The following TMTC1 variants were observed in gnomAD, a reference collection of about 807,000 sequenced individuals.
TMTC1 encodes protein O-mannosyl-transferase TMTC1.
TMTC1 carries 73 observed loss-of-function variants against 104.8 expected under a neutral mutation model. The ratio of observed to expected loss-of-function variants is 0.70; its 90% CI spans 0.58 to 0.85. The LOEUF (loss-of-function observed/expected upper bound fraction) is 0.85, where lower values mean the gene tolerates loss of function less well. TMTC1 is among the 40% of genes least tolerant of loss of function. The pLI, the probability that TMTC1 is intolerant of heterozygous loss-of-function variation, is 0.00. For synonymous variants in TMTC1, 434 were observed against 428.7 expected (o/e 1.01, Z -0.15); for missense variants, 1,035 against 1,096.1 (o/e 0.94, Z 0.79).
rs12227259 is a variant in TMTC1 at position 29,517,571 on chromosome 12, G to A, written c.2025C>T (p.Arg675=). 34,334 of 1,613,844 alleles carry A rather than the reference G, an allele frequency of 0.021. 2,687 individuals carry two copies. The African/African-American group carries it at 0.24, about 11-fold the overall frequency. Residue 675 remains arginine (R), a splice_region_variant and synonymous_variant, in exon 14 of 18, where the codon CGC becomes CGT. Transcript: ENST00000539277. ...ENSMAEEWYK[R]ALQVAHKAEI... ...CAGCTTTGTGTGCCACCTGCAGGGC[G>A]CTGAGTTTGGAGAAAATCTAAATGA...
At chr12:29,532,289 G>A (rs1207493018) in intron 11 of TMTC1, among the ~76,000 whole-genome samples, 1 of 151,958 alleles carries the variant, frequency 6.6e-6, no homozygotes, top group Non-Finnish European at 1.5e-5. Flanking sequence ...TGCCCTTTCG[G>A]AAAGCAATTT....
intron 5 of TMTC1, among the ~76,000 whole-genome samples, chr12:29,669,315 C>T (rs897683444): frequency 4.6e-5 from 7 of 152,210 alleles, no homozygotes; most frequent in Admixed American, 6.5e-5. Flanking sequence ...GGCCCTTTCA[C>T]TCCGGGACTT....
At chr12:29,678,780 C>G (rs914073124) in intron 5 of TMTC1, among the ~76,000 whole-genome samples, 17 of 152,042 alleles carry the variant, frequency 1.1e-4, no homozygotes, top group African/African-American at 3.9e-4. Flanking sequence ...ACATTAGTGT[C>G]TCAGTATTTA....
intron 5 of TMTC1, among the ~76,000 whole-genome samples, chr12:29,670,702 G>T (rs1432207906): frequency 6.6e-6 from 1 of 151,966 alleles, no homozygotes; most frequent in Non-Finnish European, 1.5e-5. Context: ...GCTGAGACAG[G>T]CAGACTGCTT....
At chr12:29,741,621 C>G (rs563885846) in intron 5 of TMTC1, among the ~76,000 whole-genome samples, 10 of 152,310 alleles carry the variant, frequency 6.6e-5, no homozygotes, top group African/African-American at 2.2e-4. Flanking sequence ...TTCTTTGTCT[C>G]TTGCGCAACC....
At chr12:29,634,349 T>C (rs1279146512) in intron 5 of TMTC1, among the ~76,000 whole-genome samples, 1 of 152,180 alleles carries the variant, frequency 6.6e-6, no homozygotes, top group Non-Finnish European at 1.5e-5. Flanking sequence ...TGCCTCCCAA[T>C]CTCTGGAAGC....
intron 5 of TMTC1, among the ~76,000 whole-genome samples, chr12:29,749,231 T>TACACAC (rs10654988): frequency 5.3e-5 from 8 of 151,216 alleles, no homozygotes; most frequent in Admixed American, 1.3e-4. Flanking sequence ...TATCTAAGGA[T>TACACAC]ACACACACAC....
At chr12:29,737,775 T>C (rs749056598) in intron 5 of TMTC1, among the ~76,000 whole-genome samples, 9 of 152,148 alleles carry the variant, frequency 5.9e-5, no homozygotes, top group Non-Finnish European at 1.2e-4. Flanking sequence ...GCGAATGATA[T>C]GAGCTCCCGG....
intron 9 of TMTC1, chr12:29,568,895 C>A (rs1436338729): frequency 2.2e-6 from 1 of 455,816 alleles, no homozygotes; most frequent in Non-Finnish European, 4.4e-6. Context: ...TCCAGGGTAA[C>A]CGAACAGTCG....
intron 5 of TMTC1, among the ~76,000 whole-genome samples, chr12:29,664,501 AC>A (rs1408168125): frequency 2.0e-5 from 3 of 152,112 alleles, no homozygotes; most frequent in Admixed American, 6.5e-5. Flanking sequence ...AAATAAACAA[AC>A]TTTCCCCATC....
At chr12:29,650,316 C>G (rs772861859) in intron 5 of TMTC1, among the ~76,000 whole-genome samples, 20 of 152,026 alleles carry the variant, frequency 1.3e-4, no homozygotes, top group Admixed American at 7.2e-4. Context: ...AACTCCTGAC[C>G]TCAAGTGATC....
chr12:29,520,541 A>T, intron 12 of TMTC1, 77 bp downstream of exon 12: 1 of 1,261,504 alleles, frequency 7.9e-7, no homozygotes, highest in South Asian at 1.3e-5. Context: ...ACTTCTGAGG[A>T]TTATTTGCCT....
chr12:29,740,566 T>A (rs1157483926), intron 5 of TMTC1, among the ~76,000 whole-genome samples: 1 of 152,198 alleles, frequency 6.6e-6, no homozygotes, highest in Non-Finnish European at 1.5e-5. Flanking sequence ...CTTGTGATCA[T>A]GTAAGTTAAT....
chr12:29,762,359 C>T (rs889233506), intron 2 of TMTC1, among the ~76,000 whole-genome samples: 4 of 152,144 alleles, frequency 2.6e-5, no homozygotes, highest in East Asian at 1.9e-4. Context: ...AATGCTGGTG[C>T]ACTTCTTTCT....
At chr12:29,756,164 A>G (rs1943210770) in intron 3 of TMTC1, among the ~76,000 whole-genome samples, 1 of 152,244 alleles carries the variant, frequency 6.6e-6, no homozygotes, top group South Asian at 2.1e-4. Flanking sequence ...AAGATGTTTA[A>G]GTGAATACAT....
chr12:29,550,910 G>C (rs1322269618), intron 10 of TMTC1, among the ~76,000 whole-genome samples: 3 of 127,444 alleles, frequency 2.4e-5, no homozygotes, highest in African/African-American at 6.2e-5. Context: ...CTCCAGCCTG[G>C]GGGAGAGAGT....
intron 10 of TMTC1, among the ~76,000 whole-genome samples, chr12:29,553,575 TG>T (rs1324638088): frequency 6.6e-6 from 1 of 151,946 alleles, no homozygotes; most frequent in Non-Finnish European, 1.5e-5. Context: ...AAGGGCATCA[TG>T]AAAAAAAAGG....
At chr12:29,566,798 C>T (rs1187609516) in intron 9 of TMTC1, among the ~76,000 whole-genome samples, 2 of 152,158 alleles carry the variant, frequency 1.3e-5, no homozygotes, top group African/African-American at 4.8e-5. Flanking sequence ...AGGTAGGCAG[C>T]ATCCCTATTC....
In TMTC1 at chr12:29,538,308, T is replaced by C. The variant is rs146858578; in HGVS notation, c.1677-1991A>G. ...TCTATAATATACCTTCATGTAATTC[T>C]TCCATTGGCACATGTTTTTTAAATG... On this transcript the variant is annotated intron_variant, in intron 10 of 17. Coordinates refer to ENST00000539277, the MANE Select transcript of TMTC1 (RefSeq NM_001193451.2). Among the ~76,000 whole-genome samples the C allele has an allele frequency of 6.7e-3, 1,025 of 152,332 alleles. 16 individuals carry two copies. Among genetic ancestry groups the C allele is most frequent in the African/African-American group, 0.024 (987 of 41,572 alleles).
Sources: allele counts gnomAD v4.1 joint callset (sites outside exome capture counted in the v4.1 genomes callset), GRCh38; gene constraint gnomAD v4.1.1; transcripts MANE v1.5; gene names NCBI Gene and HGNC (gene_info 2026-07-23, HGNC 2026-07-21).